Variants in CNTN6 observed in about 807,000 individuals in gnomAD.
CNTN6 encodes contactin 6, also known as contactin-6.
Under a neutral mutation model 122.8 loss-of-function variants are expected in CNTN6, and 137 were observed. The ratio of observed to expected loss-of-function variants is 1.12; its 90% CI spans 0.97 to 1.29. The LOEUF is 1.29. Ranked by LOEUF, CNTN6 falls within the 50% of genes most tolerant of loss-of-function variation. The pLI is 0.00. For synonymous variants in CNTN6, 570 were observed against 426.0 expected (o/e 1.34, Z -4.16); for missense variants, 1,634 against 1,223.4 (o/e 1.34, Z -5.01).
chr3:1,377,451 C>T (rs1407588512), intron 17 of CNTN6, among the ~76,000 whole-genome samples: 1 of 152,122 alleles, frequency 6.6e-6, no homozygotes, highest in Non-Finnish European at 1.5e-5. Flanking sequence ...CTTGTCCTAA[C>T]CCTGCTGTTC....
intron 16 of CNTN6, among the ~76,000 whole-genome samples, chr3:1,376,439 C>A (rs765643649): frequency 2.0e-5 from 3 of 151,976 alleles, no homozygotes; most frequent in Non-Finnish European, 2.9e-5. Context: ...AGGAGAAAAA[C>A]CTGACTTTGC....
At chr3:1,113,186 T>A (rs540901399) in intron 1 of CNTN6, among the ~76,000 whole-genome samples, 1 of 152,180 alleles carries the variant, frequency 6.6e-6, no homozygotes, top group Non-Finnish European at 1.5e-5. Context: ...ATATATTGCC[T>A]GTAACTTCTA....
At chr3:1,307,860 A>G (rs1279071240) in intron 7 of CNTN6, among the ~76,000 whole-genome samples, 2 of 152,168 alleles carry the variant, frequency 1.3e-5, no homozygotes, top group East Asian at 3.8e-4. Context: ...TTACATATCA[A>G]GGTTAACTTT....
Position 1,372,316 on chromosome 3 carries a change from G to T in CNTN6, c.1510G>T (p.Val504Phe), listed in dbSNP as rs368850185. Residue 504 changes from valine (V) to phenylalanine (F), a missense_variant, in exon 13 of 23, where the codon GTC (valine) becomes TTC (phenylalanine). Transcript: ENST00000446702. The stretch of plus-strand genomic sequence containing the variant: ...CTCAACAGAGAGAACTGTCATTACC[G>T]TCCCACCTTCCAAAATGGATGTTAC... ...LIVKERTVIT[V>F]PPSKMDVTVG... is the part of the protein sequence containing the mutation. 8 of 1,607,758 alleles carry T rather than the reference G, an allele frequency of 5.0e-6. No individual in the cohort carries two copies. Among genetic ancestry groups the T allele is most frequent in the South Asian group, 2.2e-5 (2 of 90,120 alleles).
At chr3:1,272,267 C>G (rs571419940) in intron 4 of CNTN6, among the ~76,000 whole-genome samples, 3 of 152,166 alleles carry the variant, frequency 2.0e-5, no homozygotes, top group African/African-American at 7.2e-5. Flanking sequence ...CTCAAACTCT[C>G]TTTTTCAACC....
At chr3:1,141,032 C>T (rs1241272232) in intron 1 of CNTN6, among the ~76,000 whole-genome samples, 2 of 152,152 alleles carry the variant, frequency 1.3e-5, no homozygotes, top group Non-Finnish European at 2.9e-5. Flanking sequence ...ATATTTTTCT[C>T]AGATCACAAA....
At chr3:1,323,976 A>AT (rs1559823688) in intron 8 of CNTN6, among the ~76,000 whole-genome samples, 1 of 140,454 alleles carries the variant, frequency 7.1e-6, no homozygotes, top group Non-Finnish European at 1.5e-5. Context: ...GAAATTACAT[A>AT]TGAGCATGCA....
rs544303882 is a variant in CNTN6 at position 1,301,108 on chromosome 3, C to T, written c.761+3117C>T. On this transcript the variant is annotated intron_variant, in intron 7 of 22. Coordinates refer to ENST00000446702, the MANE Select transcript of CNTN6 (RefSeq NM_001289080.2). The stretch of plus-strand genomic sequence containing the variant: ...CTGGAGTGCAATGGCACGATCTCGG[C>T]TCACTGCAACCTCCGCGTCCCCGGT... 5.8e-5 allele frequency among the ~76,000 whole-genome samples: 8 copies of T among 139,044 alleles called. No individual in the cohort carries two copies. In the East Asian group the frequency reaches 1.7e-3, roughly 30 times the overall value. 91.2% of individuals were successfully genotyped at this position (139,044 alleles called of 152,430 possible).
chr3:1,169,109 A>C (rs2093314524), intron 2 of CNTN6, among the ~76,000 whole-genome samples: 1 of 152,138 alleles, frequency 6.6e-6, no homozygotes, highest in South Asian at 2.1e-4. Context: ...AGGAAGGGAA[A>C]AGGCAGACAT....
chr3:1,360,133 T>G (rs2126101049), intron 12 of CNTN6, among the ~76,000 whole-genome samples: 1 of 152,180 alleles, frequency 6.6e-6, no homozygotes. Flanking sequence ...GTCTTTATTC[T>G]GTGTTTACAT....
At chr3:1,155,481 T>A (rs755368239) in intron 2 of CNTN6, among the ~76,000 whole-genome samples, 4 of 105,634 alleles carry the variant, frequency 3.8e-5, no homozygotes, top group African/African-American at 1.6e-4. Context: ...GGGCTTAGGA[T>A]TTTTTTTTTA....
intron 5 of CNTN6, among the ~76,000 whole-genome samples, chr3:1,287,056 C>T (rs1191779613): frequency 1.3e-5 from 2 of 152,080 alleles, no homozygotes; most frequent in Non-Finnish European, 2.9e-5. Context: ...TACAGGAGCA[C>T]CCAGATTCAT....
intron 4 of CNTN6, among the ~76,000 whole-genome samples, chr3:1,240,079 A>C (rs2094463731): frequency 6.6e-6 from 1 of 152,196 alleles, no homozygotes; most frequent in African/African-American, 2.4e-5. Flanking sequence ...ATGGAAAATA[A>C]CATTGGAACA....
At chr3:1,315,688 C>T (rs1016833905) in intron 7 of CNTN6, among the ~76,000 whole-genome samples, 5 of 151,882 alleles carry the variant, frequency 3.3e-5, no homozygotes, top group African/African-American at 7.3e-5. Flanking sequence ...TTCTTCCCTA[C>T]TGAAATGGTA....
At chr3:1,342,775 A>G (rs1007006753) in intron 11 of CNTN6, among the ~76,000 whole-genome samples, 24 of 152,262 alleles carry the variant, frequency 1.6e-4, no homozygotes, top group Admixed American at 1.6e-3. Context: ...TATACCCTTT[A>G]GTTTCATGAT....
Position 1,372,900 on chromosome 3 carries a change from C to T in CNTN6, c.1731C>T (p.Cys577=), listed in dbSNP as rs1183250270. Residue 577 remains cysteine (C), a synonymous_variant, in exon 14 of 23, where the codon TGC becomes TGT. Coordinates refer to ENST00000446702, the MANE Select transcript of CNTN6 (RefSeq NM_001289080.2). ...IQLHHSGKYL[C]TVQTTLESLS... Reference sequence around the variant, plus strand: ...TACATCATTCAGGAAAATATCTCTGCACAGTACAAACAACCCTAGAAAGTT... The same window carrying T: ...TACATCATTCAGGAAAATATCTCTGTACAGTACAAACAACCCTAGAAAGTT... 15 of 1,610,222 alleles carry T rather than the reference C, an allele frequency of 9.3e-6. No homozygotes were observed. The highest frequency in any genetic ancestry group is 1.3e-5 in the Non-Finnish European group (15 of 1,177,684).
chr3:1,154,796 A>T (rs1035544992), intron 2 of CNTN6, among the ~76,000 whole-genome samples: 3 of 152,170 alleles, frequency 2.0e-5, no homozygotes, highest in Non-Finnish European at 2.9e-5. Context: ...GATGCTTAAA[A>T]TCAAACTCCT....
chr3:1,220,629 C>T, intron 2 of CNTN6, 58 bp from the exon 3 acceptor site: 2 of 1,464,950 alleles, frequency 1.4e-6, no homozygotes, highest in South Asian at 2.8e-5. Flanking sequence ...TTAATATAGA[C>T]TTGCATTCAA....
chr3:1,099,350 C>T (rs1328413612), intron 1 of CNTN6, among the ~76,000 whole-genome samples: 1 of 151,878 alleles, frequency 6.6e-6, no homozygotes, highest in Admixed American at 6.6e-5. Flanking sequence ...ACTGGGGAGG[C>T]TGAGGCGGGA....
Sources: gnomAD v4.1 joint callset for allele counts (sites outside exome capture counted in the v4.1 genomes callset) on GRCh38, gnomAD v4.1.1 for gene constraint, MANE v1.5 for transcripts, NCBI Gene and HGNC (gene_info 2026-07-23, HGNC 2026-07-21) for gene names.